Variants in ADCY3 observed in about 807,000 individuals in gnomAD.
The protein encoded by ADCY3 is adenylate cyclase type 3.
In ADCY3, 70 loss-of-function variants were observed where a neutral mutation model predicts 119.4. The ratio of observed to expected loss-of-function variants is 0.59; its 90% CI spans 0.48 to 0.72. ADCY3 has a LOEUF of 0.72. Among genes scored for constraint, ADCY3 ranks in the 30% least tolerant of loss-of-function variants. The pLI is 0.00. For synonymous variants in ADCY3, 672 were observed against 621.4 expected (o/e 1.08, Z -1.21); for missense variants, 1,238 against 1,541.6 (o/e 0.80, Z 3.30).
chr2:24,882,794 T>C (rs905172707), intron 2 of ADCY3, among the ~76,000 whole-genome samples: 1 of 152,170 alleles, frequency 6.6e-6, no homozygotes, highest in African/African-American at 2.4e-5. Context: ...CCGTGGCTCA[T>C]GCCTGTAATT....
chr2:24,823,511 A>T (rs1225006811), intron 17 of ADCY3, 156 bp from the exon 18 acceptor site: 1 of 571,108 alleles, frequency 1.8e-6, no homozygotes, highest in African/African-American at 2.1e-5. Context: ...TTTTTTTTTA[A>T]GAGTGGGTCT....
intron 2 of ADCY3, among the ~76,000 whole-genome samples, chr2:24,909,511 C>T (rs1211171352): frequency 6.6e-6 from 1 of 152,090 alleles, no homozygotes; most frequent in African/African-American, 2.4e-5. Flanking sequence ...GACTTCTCAC[C>T]CAAATAAGGC....
chr2:24,891,329 A>G (rs1677630465), intron 2 of ADCY3, among the ~76,000 whole-genome samples: 1 of 152,210 alleles, frequency 6.6e-6, no homozygotes, highest in Non-Finnish European at 1.5e-5. Flanking sequence ...GATGAACTCT[A>G]GTACAATTTT....
Position 24,841,510 on chromosome 2 carries a change from A to G in ADCY3, c.1068+46T>C. On this transcript the variant is annotated intron_variant, in intron 5 of 21. Transcript: ENST00000679454. The surrounding 1 kb of genome is among the most constrained non-coding windows in gnomAD (Gnocchi z 5.8). ...CGGGGATGGGGGCCAGGCAGAGGCC[A>G]TGAGGGCAGGCCCCGCTGGAGAGCC... 3.8e-6 allele frequency: 6 copies of G among 1,598,014 alleles called. No individual in the cohort carries two copies. Among genetic ancestry groups the G allele is most frequent in the South Asian group, 1.1e-5 (1 of 89,852 alleles).
chr2:24,917,794 T>C (rs886476433), intron 2 of ADCY3, among the ~76,000 whole-genome samples: 1 of 152,202 alleles, frequency 6.6e-6, no homozygotes, highest in Non-Finnish European at 1.5e-5. Flanking sequence ...GTCTTCCCTC[T>C]GTGCAGCCCT....
At position 24,839,036 on chromosome 2, in the gene ADCY3, G is replaced by A. The variant is rs536071402; in HGVS notation, c.1356-414C>T. 1.4e-3 allele frequency: 676 copies of A among 482,212 alleles called. 9 individuals are homozygous for A. The highest frequency in any genetic ancestry group is 0.013 in the African/African-American group (626 of 48,728). 29.9% of individuals were successfully genotyped at this position (482,212 alleles called of 1,614,324 possible). On this transcript the variant is annotated intron_variant, in intron 7 of 21. Transcript: ENST00000679454. Reference sequence around the variant, plus strand: ...TGGCTCAGTGCAACCTCTGCCTCCCGGGTTCAAGCAATTCTCCTGCCTCAG... The same window carrying A: ...TGGCTCAGTGCAACCTCTGCCTCCCAGGTTCAAGCAATTCTCCTGCCTCAG...
At chr2:24,917,263 C>A (rs577382307) in intron 2 of ADCY3, among the ~76,000 whole-genome samples, 14 of 152,364 alleles carry the variant, frequency 9.2e-5, no homozygotes, top group African/African-American at 3.4e-4. Context: ...AGAAGGTCAC[C>A]GCTTCAGAGC....
intron 2 of ADCY3, among the ~76,000 whole-genome samples, chr2:24,912,863 G>GA (rs1433227039): frequency 6.6e-6 from 1 of 152,200 alleles, no homozygotes; most frequent in Non-Finnish European, 1.5e-5. Context: ...ATCGGGGTCA[G>GA]AAAAGGCCAC....
At position 24,896,018 on chromosome 2, in the gene ADCY3, T is replaced by C. The variant is rs878932818; in HGVS notation, c.675+22295A>G. ...CCCTAGAGGTGCTACTGGATCTTCTTATACTTTCCATTTCTCTTCCCATCA... is the reference window on the plus strand; with the variant it reads ...CCCTAGAGGTGCTACTGGATCTTCTCATACTTTCCATTTCTCTTCCCATCA... On this transcript the variant is annotated intron_variant, in intron 2 of 21. Coordinates refer to ENST00000679454, the MANE Select transcript of ADCY3 (RefSeq NM_004036.5). Among the ~76,000 whole-genome samples, 6 of 152,226 alleles carry C rather than the reference T, an allele frequency of 3.9e-5. No individual in the cohort carries two copies. In the East Asian group the frequency reaches 1.2e-3, roughly 29 times the overall value.
Position 24,918,778 on chromosome 2 carries a change from G to T in ADCY3, c.210C>A (p.Phe70Leu). The change falls in exon 2 of 22, where the codon TTC (phenylalanine) becomes TTA (leucine). Residue 70 changes from phenylalanine (F) to leucine (L), a missense_variant. Phe to Leu is a conservative substitution (Grantham distance 22). Coordinates refer to ENST00000679454, the MANE Select transcript of ADCY3 (RefSeq NM_004036.5). The surrounding 1 kb of genome is among the most constrained non-coding windows in gnomAD (Gnocchi z 5.4). ...ESLENLYQTY[F>L]KRQRHETLLV... Reference sequence around the variant, plus strand: ...GCAGGGTCTCGTGGCGCTGCCTTTTGAAGTAGGTCTGGTAGAGGTTCTCCA... The same window carrying T: ...GCAGGGTCTCGTGGCGCTGCCTTTTTAAGTAGGTCTGGTAGAGGTTCTCCA... 6.2e-7 allele frequency: 1 copy of T among 1,614,020 alleles called. No individual in the cohort carries two copies. Among genetic ancestry groups the T allele is most frequent in the Non-Finnish European group, 8.5e-7 (1 of 1,180,030 alleles).
rs3222240 is a variant in ADCY3, at chr2:24,865,489, CTGTGTGTGTGTGTGTG to C, written c.825+7065_825+7080del. 5.3e-3 allele frequency among the ~76,000 whole-genome samples: 738 copies of C among 140,518 alleles called. 8 individuals carry two copies. The highest frequency in any genetic ancestry group is 0.018 in the African/African-American group (685 of 38,870). 92.2% of individuals were successfully genotyped at this position (140,518 alleles called of 152,430 possible). A position where few individuals can be genotyped will look rare whatever the true frequency, so the allele number is the denominator to read the frequency against. ...TACAAAAGAGTGAATAGGCTATCAT[CTGTGTGTGTGTGTGTG>C]TGTGTGTGTGTGTGTGTGTGTGTGT... On this transcript the variant is annotated intron_variant, in intron 3 of 21. Coordinates refer to ENST00000679454, the MANE Select transcript of ADCY3 (RefSeq NM_004036.5).
chr2:24,915,077 G>A (rs1477173069), intron 2 of ADCY3, among the ~76,000 whole-genome samples: 1 of 152,184 alleles, frequency 6.6e-6, no homozygotes, highest in African/African-American at 2.4e-5. Context: ...GGGCATGGGG[G>A]GATAAGGGCT....
At position 24,834,424 on chromosome 2, in the gene ADCY3, C is replaced by G. The variant is rs1317550185; in HGVS notation, c.1967+61G>C. 3.4e-5 allele frequency: 32 copies of G among 931,474 alleles called. No homozygotes were observed. The highest frequency in any genetic ancestry group is 4.4e-5 in the Non-Finnish European group (28 of 633,840). 57.7% of individuals were successfully genotyped at this position (931,474 alleles called of 1,614,324 possible). A position where few individuals can be genotyped will look rare whatever the true frequency, so the allele number is the denominator to read the frequency against. ...GCTCCCGCTGAGACACCTGCCCCCG[C>G]CCCCCGCCCGGCACCACCGCAGCCG... On this transcript the variant is annotated intron_variant, in intron 11 of 21. Coordinates refer to ENST00000679454, the MANE Select transcript of ADCY3 (RefSeq NM_004036.5). The surrounding 1 kb of genome is among the most constrained non-coding windows in gnomAD (Gnocchi z 4.2).
At position 24,819,981 on chromosome 2, in the gene ADCY3, G is replaced by C. The variant is rs759492188; in HGVS notation, c.3386C>G (p.Pro1129Arg). The change falls in exon 22 of 22, where the codon CCC (proline) becomes CGC (arginine). Residue 1129 changes from proline (P) to arginine (R), a missense_variant. By Grantham distance (103) the Pro-to-Arg change is moderately radical. Around this residue, in one of 7 missense-constraint regions of ADCY3, gnomAD observed 86 missense variants for 70.7 expected, o/e 1.22. Transcript: ENST00000679454. The part of the protein sequence containing the change: ...LKGRDKLATF[P>R]NGPSVTLPHQ... ...GGGCAGTGTGACAGAGGGGCCATTG[G>C]GGAAGGTGGCTAGCTTATCCCGCCC... 3 of 1,613,734 alleles carry C rather than the reference G, an allele frequency of 1.9e-6. No homozygotes were observed. In the South Asian group the frequency reaches 3.3e-5, roughly 18 times the overall value.
chr2:24,823,079 T>C (rs937701865), intron 18 of ADCY3, 130 bp downstream of exon 18: 11 of 1,203,998 alleles, frequency 9.1e-6, no homozygotes, highest in Non-Finnish European at 1.2e-5. Flanking sequence ...GCTGCAGAAG[T>C]CCATGTATTG....
rs759432818 is a variant in ADCY3 at position 24,918,784 on chromosome 2, G to A, written c.204C>T (p.Thr68=). Residue 68 remains threonine, a synonymous_variant, in exon 2 of 22, where the codon ACC becomes ACT. Coordinates refer to ENST00000679454, the MANE Select transcript of ADCY3 (RefSeq NM_004036.5). The surrounding 1 kb of genome is among the most constrained non-coding windows in gnomAD (Gnocchi z 5.4). ...TCTCGTGGCGCTGCCTTTTGAAGTA[G>A]GTCTGGTAGAGGTTCTCCAAGGACT... The part of the protein sequence containing the change: ...VPESLENLYQ[T]YFKRQRHETL... 1 of 1,614,000 alleles carries A rather than the reference G, an allele frequency of 6.2e-7. No individual in the cohort carries two copies. Among genetic ancestry groups the A allele is most frequent in the Non-Finnish European group, 8.5e-7 (1 of 1,180,028 alleles).
At chr2:24,823,717 A>G (rs1390538040) in intron 17 of ADCY3, among the ~76,000 whole-genome samples, 2 of 133,490 alleles carry the variant, frequency 1.5e-5, no homozygotes, top group Admixed American at 1.6e-4. Context: ...TGAGAGATGG[A>G]GTCTTGCTGT....
At chr2:24,900,495 C>T (rs554676505) in intron 2 of ADCY3, among the ~76,000 whole-genome samples, 22 of 152,166 alleles carry the variant, frequency 1.4e-4, no homozygotes, top group Non-Finnish European at 2.2e-4. Flanking sequence ...TTTCTACCTG[C>T]AGTGTTTGTG....
intron 6 of ADCY3, 76 bp from the exon 7 acceptor site, chr2:24,840,107 G>C: frequency 6.5e-7 from 1 of 1,535,506 alleles, no homozygotes; most frequent in Non-Finnish European, 8.8e-7. Flanking sequence ...TCCTGCAGGA[G>C]AAATTCATTG....
Sources: allele counts gnomAD v4.1 joint callset (sites outside exome capture counted in the v4.1 genomes callset), GRCh38; gene constraint gnomAD v4.1.1; regional missense constraint gnomAD v4.1.1; non-coding constraint Gnocchi (gnomAD v3.1); transcripts MANE v1.5; gene names NCBI Gene and HGNC (gene_info 2026-07-23, HGNC 2026-07-21).